The following SLC16A9 variants were observed in gnomAD, a reference collection of about 807,000 sequenced individuals.
SLC16A9 encodes solute carrier family 16 member 9.
SLC16A9 carries 26 observed loss-of-function variants against 44.3 expected under a neutral mutation model. The observed-to-expected ratio is 0.59, with a 90% CI of 0.43 to 0.81. The LOEUF (loss-of-function observed/expected upper bound fraction) is 0.81. SLC16A9 is among the 40% of genes least tolerant of loss of function. The pLI, the probability that SLC16A9 is intolerant of heterozygous loss-of-function variation, is 0.00. For synonymous variants in SLC16A9, 230 were observed against 225.1 expected (o/e 1.02, Z -0.19); for missense variants, 559 against 595.8 (o/e 0.94, Z 0.64).
chr10:59,686,047 G>A (rs549018518), intron 1 of SLC16A9, among the ~76,000 whole-genome samples: 31 of 151,052 alleles, frequency 2.1e-4, no homozygotes, highest in African/African-American at 7.5e-4. Flanking sequence ...GCGCAATCTC[G>A]GCTCACTCAA....
chr10:59,654,071 C>G lies in SLC16A9; in HGVS notation c.955G>C (p.Gly319Arg). 6.2e-7 allele frequency: 1 copy of G among 1,613,992 alleles called. No homozygotes were observed. The highest frequency in any genetic ancestry group is 1.3e-5 in the African/African-American group (1 of 75,006). ...ATAAGTAATGAAGGTGGAAACCCTCCGATGTCAAAGAGTAAGATAGCAATG... is the reference window on the plus strand; with the variant it reads ...ATAAGTAATGAAGGTGGAAACCCTCGGATGTCAAAGAGTAAGATAGCAATG... ...LFIAILLFDI[G>R]GFPPSLLMED... Residue 319 changes from glycine (G) to arginine (R), a missense_variant, in exon 5 of 6, where the codon GGA becomes CGA. Coordinates refer to ENST00000395348, the MANE Select transcript of SLC16A9 (RefSeq NM_194298.3).
At position 59,653,985 on chromosome 10, in the gene SLC16A9, GGA is replaced by G; in HGVS notation, c.1039_1040del (p.Ser347HisfsTer10). On this transcript the variant is annotated frameshift_variant, in exon 5 of 6. Coordinates refer to ENST00000395348, the MANE Select transcript of SLC16A9 (RefSeq NM_194298.3). LOFTEE classifies it high-confidence loss of function. ...KEEEFIMPLI[S>X]IIGIMTAVGK... ...CAACTGCTGTCATAATGCCTATAAT[GGA>G]AATAAGTGGCATAATAAACTCTTCT... is the stretch of plus-strand genomic sequence containing the variant. 1 of 1,613,714 alleles carries G rather than the reference GGA, an allele frequency of 6.2e-7. No individual in the cohort carries two copies. Among genetic ancestry groups the G allele is most frequent in the Non-Finnish European group, 8.5e-7 (1 of 1,179,978 alleles).
intron 1 of SLC16A9, among the ~76,000 whole-genome samples, chr10:59,691,309 G>C (rs1292084550): frequency 6.6e-6 from 1 of 152,188 alleles, no homozygotes; most frequent in Non-Finnish European, 1.5e-5. Context: ...AGGACTCTGA[G>C]TGACCAGACA....
chr10:59,671,354 C>T (rs775704389), intron 3 of SLC16A9, among the ~76,000 whole-genome samples: 13 of 152,186 alleles, frequency 8.5e-5, no homozygotes, highest in East Asian at 1.9e-4. Context: ...GGAATGATAA[C>T]GTGAGTCTTT....
In SLC16A9 at chr10:59,680,842, G is replaced by A. The variant is rs1316035521; in HGVS notation, c.196+3254C>T. Among the ~76,000 whole-genome samples the A allele has an allele frequency of 3.3e-5, 5 of 151,962 alleles. No homozygotes were observed. In the South Asian group the frequency reaches 6.2e-4, roughly 19 times the overall value. Reference sequence around the variant, plus strand: ...CAAAAAATAAGAAAAAAATAGTTGGGCATGGTGGCATGCACCTGTAGTCCC... The same window carrying A: ...CAAAAAATAAGAAAAAAATAGTTGGACATGGTGGCATGCACCTGTAGTCCC... On this transcript the variant is annotated intron_variant, in intron 2 of 5. Transcript: ENST00000395348.
At position 59,667,661 on chromosome 10, in the gene SLC16A9, G is replaced by C. The variant is rs79924488; in HGVS notation, c.341-3339C>G. The stretch of plus-strand genomic sequence containing the variant: ...GGTGTTCTAAATAGAAGAATGTAAA[G>C]GGTTCCAAGATTAAACAGTTTGGAA... On this transcript the variant is annotated intron_variant, in intron 3 of 5. Transcript: ENST00000395348. Among the ~76,000 whole-genome samples, 225 of 152,166 alleles carry C rather than the reference G, an allele frequency of 1.5e-3. 4 individuals carry two copies. In the East Asian group the frequency reaches 0.034, roughly 23 times the overall value.
chr10:59,664,044 A>G (rs567243536), intron 4 of SLC16A9, among the ~76,000 whole-genome samples, 183 bp downstream of exon 4: 6 of 150,882 alleles, frequency 4.0e-5, no homozygotes, highest in Non-Finnish European at 5.9e-5. Flanking sequence ...AAAAAAAAAA[A>G]AAAAGAAAGC....
chr10:59,688,414 G>A (rs1171653), intron 1 of SLC16A9, among the ~76,000 whole-genome samples: 121,251 of 151,968 alleles, frequency 0.8, 48,525 homozygotes, highest in South Asian at 0.88. Flanking sequence ...AACATTTAAT[G>A]ATCAAAAACA....
chr10:59,670,155 C>T (rs1839712159), intron 3 of SLC16A9, among the ~76,000 whole-genome samples: 1 of 152,154 alleles, frequency 6.6e-6, no homozygotes, highest in African/African-American at 2.4e-5. Flanking sequence ...AAAACTACTG[C>T]TGTATGGGTC....
chr10:59,693,760 C>T (rs1352541976), intron 1 of SLC16A9, among the ~76,000 whole-genome samples: 1 of 151,204 alleles, frequency 6.6e-6, no homozygotes, highest in African/African-American at 2.4e-5. Context: ...GCTGGGGCTA[C>T]AGGCGCCCGC....
At chr10:59,681,516 T>TATG (rs1839994814) in intron 2 of SLC16A9, among the ~76,000 whole-genome samples, 1 of 123,202 alleles carries the variant, frequency 8.1e-6, no homozygotes, top group African/African-American at 3.1e-5. Flanking sequence ...ATATGATGTA[T>TATG]ATGTATATGT....
intron 3 of SLC16A9, among the ~76,000 whole-genome samples, chr10:59,666,821 G>A (rs373265802): frequency 6.5e-4 from 97 of 149,592 alleles, no homozygotes; most frequent in African/African-American, 2.2e-3. Flanking sequence ...ACCAACGCTG[G>A]GAAACAACTG....
At chr10:59,689,840 A>G (rs1485440550) in intron 1 of SLC16A9, among the ~76,000 whole-genome samples, 2 of 152,230 alleles carry the variant, frequency 1.3e-5, no homozygotes. Flanking sequence ...CATAGAATAT[A>G]AGAAATATAG....
chr10:59,685,479 T>C (rs533715705), intron 1 of SLC16A9, among the ~76,000 whole-genome samples: 1 of 152,328 alleles, frequency 6.6e-6, no homozygotes, highest in Non-Finnish European at 1.5e-5. Context: ...CCCTTATTTT[T>C]TACACACAAA....
chr10:59,669,297 T>G (rs77290102), intron 3 of SLC16A9, among the ~76,000 whole-genome samples: 1,899 of 152,310 alleles, frequency 0.012, 49 homozygotes, highest in African/African-American at 0.043. Context: ...GCCTTTTGCC[T>G]GATTTAGAAA....
At chr10:59,653,631 A>G in intron 5 of SLC16A9, 44 bp downstream of exon 5, 1 of 1,528,808 alleles carries the variant, frequency 6.5e-7, no homozygotes, top group South Asian at 1.2e-5. Context: ...AGATATGACA[A>G]GGAAGAACAG....
intron 2 of SLC16A9, among the ~76,000 whole-genome samples, chr10:59,683,512 T>G (rs1368377765): frequency 6.6e-6 from 1 of 152,150 alleles, no homozygotes; most frequent in Non-Finnish European, 1.5e-5. Context: ...GGATTTTAAT[T>G]TTGTGATTGG....
In SLC16A9 at chr10:59,681,692, A is replaced by G. The variant is rs1257518389; in HGVS notation, c.196+2404T>C. ...TATATGTATATGTATATGTATATGT[A>G]TATATATATGTATATGTATATGTAT... On this transcript the variant is annotated intron_variant, in intron 2 of 5. Coordinates refer to ENST00000395348, the MANE Select transcript of SLC16A9 (RefSeq NM_194298.3). Among the ~76,000 whole-genome samples, 118 of 18,142 alleles carry G rather than the reference A, an allele frequency of 6.5e-3. 44 individuals are homozygous for G. Among genetic ancestry groups the G allele is most frequent in the African/African-American group, 8.9e-3 (23 of 2,574 alleles). The allele number at this position is 18,142 out of a possible 152,430, so 11.9% of individuals were successfully genotyped here.
chr10:59,671,432 A>G (rs1008263006), intron 3 of SLC16A9, among the ~76,000 whole-genome samples: 1 of 152,208 alleles, frequency 6.6e-6, no homozygotes, highest in Non-Finnish European at 1.5e-5. Flanking sequence ...CATTTTGAAC[A>G]TTGTTGTTAG....
Sources: gnomAD v4.1 joint callset for allele counts (sites outside exome capture counted in the v4.1 genomes callset) on GRCh38, gnomAD v4.1.1 for gene constraint, MANE v1.5 for transcripts, NCBI Gene and HGNC (gene_info 2026-07-23, HGNC 2026-07-21) for gene names.